Variants in PPP2R3A observed in about 807,000 individuals in gnomAD.
PPP2R3A encodes the protein serine/threonine-protein phosphatase 2A regulatory subunit B'' subunit alpha.
PPP2R3A carries 80 observed loss-of-function variants against 106.9 expected under a neutral mutation model. The observed-to-expected ratio is 0.75, with a 90% confidence interval of 0.62 to 0.90. The LOEUF (loss-of-function observed/expected upper bound fraction) is 0.90, where lower values mean the gene tolerates loss of function less well. Among genes scored for constraint, PPP2R3A ranks in the 40% least tolerant of loss-of-function variants. The probability of loss-of-function intolerance (pLI) is 0.00; values close to 1 mark genes in which losing one functional copy is unlikely to be tolerated. For missense variants in PPP2R3A, 1,386 were observed against 1,350.4 expected, an observed-to-expected ratio of 1.03 and a Z score of -0.41; for synonymous variants, 483 against 468.3, an observed-to-expected ratio of 1.03 and a Z score of -0.41.
intron 5 of PPP2R3A, among the ~76,000 whole-genome samples, chr3:136,053,781 T>C (rs2107870986): frequency 6.6e-6 from 1 of 152,280 alleles, no homozygotes; most frequent in Non-Finnish European, 1.5e-5. Flanking sequence ...ACACCCACCC[T>C]AAATGCACAG....
Position 136,146,970 on chromosome 3 carries a change from A to G in PPP2R3A, c.*1804A>G, listed in dbSNP as rs918713900. ...AGATTCACCAAAAAGTAAAAATTCAATTTTACAATATACATTTTTTTTTTT... is the reference window on the plus strand; with the variant it reads ...AGATTCACCAAAAAGTAAAAATTCAGTTTTACAATATACATTTTTTTTTTT... On this transcript the variant is annotated 3_prime_UTR_variant, in exon 14 of 14. Coordinates refer to ENST00000264977, the MANE Select transcript of PPP2R3A (RefSeq NM_002718.5). The G allele has an allele frequency of 1.3e-5, 2 of 151,902 alleles. No homozygotes were observed. The highest frequency in any genetic ancestry group is 2.4e-5 in the African/African-American group (1 of 41,256). 9.4% of individuals were successfully genotyped at this position (151,902 alleles called of 1,614,324 possible).
intron 3 of PPP2R3A, among the ~76,000 whole-genome samples, chr3:136,033,832 C>G (rs1048371352): frequency 2.6e-5 from 4 of 151,756 alleles, no homozygotes; most frequent in African/African-American, 4.8e-5. Context: ...TTTCAAAGAA[C>G]TAGCTTTTTG....
chr3:136,043,621 A>T (rs956404852), intron 4 of PPP2R3A, among the ~76,000 whole-genome samples: 4 of 152,138 alleles, frequency 2.6e-5, no homozygotes, highest in Non-Finnish European at 5.9e-5. Flanking sequence ...TATAGTCAGG[A>T]CATTTTTAGG....
At chr3:136,064,056 G>C (rs1936176747) in intron 5 of PPP2R3A, among the ~76,000 whole-genome samples, 2 of 151,716 alleles carry the variant, frequency 1.3e-5, no homozygotes, top group South Asian at 4.2e-4. Context: ...AGAAAATGTG[G>C]CACATATACA....
chr3:136,010,041 G>A (rs1005724302), intron 2 of PPP2R3A, among the ~76,000 whole-genome samples: 1 of 152,002 alleles, frequency 6.6e-6, no homozygotes, highest in Non-Finnish European at 1.5e-5. Context: ...CCACTCTGCA[G>A]GTGCCTTTTT....
At chr3:136,124,908 A>G (rs900250015) in intron 13 of PPP2R3A, among the ~76,000 whole-genome samples, 7 of 152,226 alleles carry the variant, frequency 4.6e-5, no homozygotes, top group African/African-American at 1.7e-4. Context: ...GAAATGGGGA[A>G]AAAATGCTAG....
chr3:136,016,776 G>A (rs1262121684), intron 2 of PPP2R3A, among the ~76,000 whole-genome samples: 1 of 152,134 alleles, frequency 6.6e-6, no homozygotes, highest in Non-Finnish European at 1.5e-5. Context: ...CTACCATTCT[G>A]CATCTTTTAA....
At chr3:135,978,335 A>C (rs548690798) in intron 1 of PPP2R3A, among the ~76,000 whole-genome samples, 1 of 151,890 alleles carries the variant, frequency 6.6e-6, no homozygotes, top group Non-Finnish European at 1.5e-5. Context: ...GAAAGATAGC[A>C]TAGGCCTAAT....
At chr3:135,970,823 C>G (rs1937226978) in intron 1 of PPP2R3A, among the ~76,000 whole-genome samples, 1 of 152,134 alleles carries the variant, frequency 6.6e-6, no homozygotes, top group Non-Finnish European at 1.5e-5. Context: ...GTCTGATTAC[C>G]CCTCTCCCAC....
chr3:136,034,658 G>A (rs141520351), intron 3 of PPP2R3A, among the ~76,000 whole-genome samples: 106 of 152,264 alleles, frequency 7.0e-4, no homozygotes, highest in Non-Finnish European at 9.0e-4. Flanking sequence ...GTCTATCTTG[G>A]AGAAAGTTCC....
chr3:136,137,246 C>A (rs1429666564), intron 13 of PPP2R3A, among the ~76,000 whole-genome samples: 1 of 152,080 alleles, frequency 6.6e-6, no homozygotes, highest in Non-Finnish European at 1.5e-5. Flanking sequence ...AGCTTTTCTG[C>A]CAATTTGACT....
At position 136,070,555 on chromosome 3, in the gene PPP2R3A, A is replaced by G. The variant is rs1193013190; in HGVS notation, c.2544+3A>G. On this transcript the variant is annotated splice_donor_region_variant and intron_variant, in intron 6 of 13. Transcript: ENST00000264977. Reference sequence around the variant, plus strand: ...TCCACTCCCGCTACATCACCACGGTAGGCTGAGTCATCTTTTTTCTTAATA... The same window carrying G: ...TCCACTCCCGCTACATCACCACGGTGGGCTGAGTCATCTTTTTTCTTAATA... The G allele has an allele frequency of 1.2e-6, 2 of 1,602,144 alleles. No individual in the cohort carries two copies.
chr3:135,990,069 A>G (rs1933095316), intron 1 of PPP2R3A, among the ~76,000 whole-genome samples: 1 of 152,138 alleles, frequency 6.6e-6, no homozygotes, highest in African/African-American at 2.4e-5. Context: ...TACTTTTATA[A>G]AGATTAAAAC....
At chr3:136,050,613 A>G (rs944343971) in intron 5 of PPP2R3A, among the ~76,000 whole-genome samples, 1 of 152,128 alleles carries the variant, frequency 6.6e-6, no homozygotes, top group African/African-American at 2.4e-5. Context: ...CTAGATGCAC[A>G]CACAGCTGTT....
At chr3:136,103,516 C>T (rs961248071) in intron 12 of PPP2R3A, 140 bp downstream of exon 12, 3 of 620,076 alleles carry the variant, frequency 4.8e-6, no homozygotes, top group East Asian at 5.8e-5. Context: ...TAAAAAGAGA[C>T]AATAAAGGAC....
chr3:136,001,591 C>T lies in PPP2R3A; in HGVS notation c.93C>T (p.Cys31=). 3 of 1,614,156 alleles carry T rather than the reference C, an allele frequency of 1.9e-6. No homozygotes were observed. Among genetic ancestry groups the T allele is most frequent in the Middle Eastern group, 1.6e-4 (1 of 6,062 alleles). The change falls in exon 2 of 14, where the codon TGC becomes TGT. Residue 31 remains cysteine, a synonymous_variant. Coordinates refer to ENST00000264977, the MANE Select transcript of PPP2R3A (RefSeq NM_002718.5). ...DRRFEQAIHY[C]TGTCHTFTHG... is the part of the protein sequence containing the mutation. Reference sequence around the variant, plus strand: ...GTTTTGAACAAGCTATACATTATTGCACTGGAACCTGCCACACCTTCACAC... The same window carrying T: ...GTTTTGAACAAGCTATACATTATTGTACTGGAACCTGCCACACCTTCACAC...
chr3:136,117,411 G>C (rs1235101120), intron 13 of PPP2R3A, among the ~76,000 whole-genome samples: 1 of 152,054 alleles, frequency 6.6e-6, no homozygotes, highest in Admixed American at 6.6e-5. Context: ...ATAGAGACAT[G>C]AAAAGCCCTT....
rs764566609 is a variant in PPP2R3A, at chr3:136,049,286, C to T, written c.2394C>T (p.Ala798=). The change falls in exon 5 of 14, where the codon GCC becomes GCT. Residue 798 remains alanine, a synonymous_variant. Transcript: ENST00000264977. ...RKLLNNHHDD[A]SKFICLLAKP... is the part of the protein sequence containing the mutation. The stretch of plus-strand genomic sequence containing the variant: ...TGCTGAATAACCATCATGATGATGC[C>T]TCTAAATTCATCTGTCTTCTAGCAA... 25 of 1,613,278 alleles carry T rather than the reference C, an allele frequency of 1.5e-5. No homozygotes were observed. Among genetic ancestry groups the T allele is most frequent in the East Asian group, 2.2e-5 (1 of 44,846 alleles).
At chr3:136,003,616 G>A (rs1206577911) in intron 2 of PPP2R3A, 123 bp downstream of exon 2, 1 of 780,940 alleles carries the variant, frequency 1.3e-6, no homozygotes, top group African/African-American at 1.8e-5. Context: ...CCCTACACTA[G>A]GAATGATCTC....
Sources: gnomAD v4.1 joint callset for allele counts (sites outside exome capture counted in the v4.1 genomes callset) on GRCh38, gnomAD v4.1.1 for gene constraint, MANE v1.5 for transcripts, NCBI Gene and HGNC (gene_info 2026-07-23, HGNC 2026-07-21) for gene names.